The following BANF2 variants were observed in gnomAD, a reference collection of about 807,000 sequenced individuals.
The protein encoded by BANF2 is BANF family member 2.
In BANF2, 4 loss-of-function variants were observed where a neutral mutation model predicts 8.0. That is an observed-to-expected ratio of 0.50 (90% CI 0.25 to 1.14). The LOEUF (loss-of-function observed/expected upper bound fraction) is 1.14, where lower values mean the gene tolerates loss of function less well. Ranked by LOEUF, BANF2 falls within the 50% of genes most tolerant of loss-of-function variation. The pLI, the probability that BANF2 is intolerant of heterozygous loss-of-function variation, is 0.16. For missense variants in BANF2, 96 were observed against 107.5 expected (o/e 0.89, Z 0.47); for synonymous variants, 50 against 40.6 (o/e 1.23, Z -0.88).
rs1568801786 is a variant in BANF2 at position 17,693,755 on chromosome 20, CG to C, written c.18+53del. The C allele has an allele frequency of 3.0e-5, 46 of 1,546,960 alleles. No homozygotes were observed. The South Asian group carries it at 4.8e-4, about 16-fold the overall frequency. ...CTTGCTCACGGTGGGGAAGAGACGG[CG>C]GGGAAAGGAGGCAAGGACAAATCAC... On this transcript the variant is annotated intron_variant, in intron 1 of 2. Transcript: ENST00000545418.
chr20:17,719,266 A>G (rs890278745), intron 1 of BANF2, among the ~76,000 whole-genome samples: 2 of 152,076 alleles, frequency 1.3e-5, no homozygotes, highest in Non-Finnish European at 2.9e-5. Context: ...CTGGAATTAC[A>G]GGTGCCTGCC....
chr20:17,717,806 A>G (rs1600221621), intron 1 of BANF2, among the ~76,000 whole-genome samples: 1 of 152,190 alleles, frequency 6.6e-6, no homozygotes, highest in African/African-American at 2.4e-5. Flanking sequence ...ACTACTGTCT[A>G]TAATAGATGA....
At chr20:17,701,270 G>A (rs1333608494) in intron 1 of BANF2, among the ~76,000 whole-genome samples, 1 of 152,166 alleles carries the variant, frequency 6.6e-6, no homozygotes, top group Non-Finnish European at 1.5e-5. Context: ...GTTTAATTTG[G>A]AGAGGAGAAA....
At chr20:17,729,024 C>T (rs1302971973) in intron 3 of BANF2, among the ~76,000 whole-genome samples, 2 of 152,140 alleles carry the variant, frequency 1.3e-5, no homozygotes, top group Non-Finnish European at 2.9e-5. Flanking sequence ...TGTTTCCTTC[C>T]CCTTTTTACT....
intron 1 of BANF2, among the ~76,000 whole-genome samples, chr20:17,702,945 C>T (rs1262566514): frequency 6.6e-6 from 1 of 152,210 alleles, no homozygotes; most frequent in Admixed American, 6.5e-5. Context: ...ACATAGCCAT[C>T]GGTGGCTGGT....
chr20:17,730,505 A>G (rs1338834334), intron 3 of BANF2, among the ~76,000 whole-genome samples: 1 of 151,674 alleles, frequency 6.6e-6, no homozygotes, highest in Admixed American at 6.6e-5. Context: ...TCCTTACTGC[A>G]AGGTTCTGCT....
At chr20:17,698,397 A>G (rs1220202479), upstream of BANF2, among the ~76,000 whole-genome samples, 1 of 152,188 alleles carries the variant, frequency 6.6e-6, no homozygotes, top group Non-Finnish European at 1.5e-5. Context: ...CTGTGAGCCA[A>G]TTAAACCTCT....
intron 1 of BANF2, chr20:17,712,470 C>T (rs2037587820): frequency 5.3e-6 from 5 of 946,874 alleles, no homozygotes; most frequent in African/African-American, 1.8e-5. Flanking sequence ...ACCATTCCCA[C>T]AGCCCGACAA....
At chr20:17,730,577 C>T (rs971063303) in intron 3 of BANF2, among the ~76,000 whole-genome samples, 7 of 152,322 alleles carry the variant, frequency 4.6e-5, no homozygotes, top group East Asian at 1.9e-4. Flanking sequence ...CGGCAGCCAA[C>T]GATAGCCCTA....
intron 1 of BANF2, among the ~76,000 whole-genome samples, chr20:17,718,120 A>T (rs2037681301): frequency 6.6e-6 from 1 of 152,224 alleles, no homozygotes; most frequent in Non-Finnish European, 1.5e-5. Context: ...ACATGAAAAT[A>T]TTGCATTTTT....
chr20:17,703,143 C>T (rs1015580467), intron 1 of BANF2, among the ~76,000 whole-genome samples: 1 of 152,194 alleles, frequency 6.6e-6, no homozygotes, highest in Non-Finnish European at 1.5e-5. Context: ...TTATGGTTTG[C>T]CCCTGTTCAA....
chr20:17,718,084 T>C (rs1043992545), intron 1 of BANF2, among the ~76,000 whole-genome samples: 31 of 152,272 alleles, frequency 2.0e-4, no homozygotes, highest in African/African-American at 7.2e-4. Context: ...AATGTTCATG[T>C]AGCAATCTGT....
At chr20:17,712,733 C>T (rs1175022790) in intron 1 of BANF2, among the ~76,000 whole-genome samples, 1 of 152,112 alleles carries the variant, frequency 6.6e-6, no homozygotes, top group Non-Finnish European at 1.5e-5. Flanking sequence ...TTGCTTTCCC[C>T]TTCTCTGTGG....
Position 17,725,032 on chromosome 20 carries a change from A to G in BANF2, c.7A>G (p.Asn3Asp), listed in dbSNP as rs4814640. 0.96 allele frequency: 1,539,871 copies of G among 1,606,186 alleles called. 738,519 individuals carry two copies. Among genetic ancestry groups the G allele is most frequent in the East Asian group, 0.98 (44,017 of 44,818 alleles). The part of the protein sequence containing the change: MD[N>D]MSPRLRAFLS... ...CCCACTGCTGTCGCAGGAGATGGAC[A>G]ACATGTCTCCCAGGCTGAGAGCCTT... is the stretch of plus-strand genomic sequence containing the variant. The change falls in exon 3 of 4, where the codon AAC becomes GAC. Residue 3 changes from asparagine to aspartate, a missense_variant. Asn to Asp is a conservative substitution (Grantham distance 23, BLOSUM62 1). Coordinates refer to ENST00000246090, the MANE Select transcript of BANF2 (RefSeq NM_178477.5).
At chr20:17,718,025 TTTAA>T (rs1487618304) in intron 1 of BANF2, among the ~76,000 whole-genome samples, 2 of 152,224 alleles carry the variant, frequency 1.3e-5, no homozygotes, top group Non-Finnish European at 2.9e-5. Context: ...GATTTCATAA[TTTAA>T]TTACACACAA....
At chr20:17,701,833 C>T (rs898946903) in intron 1 of BANF2, among the ~76,000 whole-genome samples, 3 of 152,196 alleles carry the variant, frequency 2.0e-5, no homozygotes, top group Non-Finnish European at 4.4e-5. Context: ...GCAGAGTTAA[C>T]CTGTGTTGAC....
chr20:17,723,523 C>T (rs990361603), intron 2 of BANF2, among the ~76,000 whole-genome samples: 2 of 152,226 alleles, frequency 1.3e-5, no homozygotes, highest in African/African-American at 2.4e-5. Flanking sequence ...GTGCTAATAA[C>T]ACCTCCCTAT....
At chr20:17,713,830 A>T (rs1400516663) in intron 1 of BANF2, among the ~76,000 whole-genome samples, 1 of 151,878 alleles carries the variant, frequency 6.6e-6, no homozygotes, top group Non-Finnish European at 1.5e-5. Flanking sequence ...CTGAGACTCC[A>T]TCTCAAAAAT....
intron 1 of BANF2, among the ~76,000 whole-genome samples, chr20:17,715,872 A>T (rs2037643873): frequency 6.6e-6 from 1 of 152,252 alleles, no homozygotes; most frequent in Non-Finnish European, 1.5e-5. Flanking sequence ...GTCCAAGGGT[A>T]GTCGCCGTCA....
Sources: gnomAD v4.1 joint callset for allele counts (sites outside exome capture counted in the v4.1 genomes callset) on GRCh38, gnomAD v4.1.1 for gene constraint, MANE v1.5 for transcripts, NCBI Gene and HGNC (gene_info 2026-07-23, HGNC 2026-07-21) for gene names.